The following SESTD1 variants were observed in gnomAD, a reference collection of about 807,000 sequenced individuals.
SESTD1 encodes the protein SEC14 and spectrin domain containing 1.
Under a neutral mutation model 101.7 loss-of-function variants are expected in SESTD1, and 43 were observed. That is an observed-to-expected ratio of 0.42 (90% CI 0.33 to 0.55). SESTD1 has a LOEUF of 0.55. Ranked by LOEUF, SESTD1 falls within the 20% of genes least tolerant of loss-of-function variation. The pLI is 0.07. For missense variants in SESTD1, 647 were observed against 815.1 expected (o/e 0.79, Z 2.51); for synonymous variants, 283 against 286.8 (o/e 0.99, Z 0.13).
At chr2:179,261,742 A>G (rs1334980673) in intron 1 of SESTD1, among the ~76,000 whole-genome samples, 2 of 152,032 alleles carry the variant, frequency 1.3e-5, no homozygotes. Flanking sequence ...TAGAAGGGTT[A>G]CCCTAGAAAA....
chr2:179,121,779 C>G lies in SESTD1; in HGVS notation c.1433G>C (p.Arg478Thr), dbSNP rs777642307. The G allele has an allele frequency of 6.4e-7, 1 of 1,566,012 alleles. No homozygotes were observed. The highest frequency in any genetic ancestry group is 8.6e-7 in the Non-Finnish European group (1 of 1,161,776). The change falls in exon 13 of 18, where the codon AGA becomes ACA. Residue 478 changes from arginine (R) to threonine (T), a missense_variant. By Grantham distance (71) the Arg-to-Thr change is moderately conservative (BLOSUM62 -1). Transcript: ENST00000428443. ...AACGGTCAAACTTTGCCTTTGTTTT[C>G]TAAGCTGCATATCTTCCATCACTCC... ...IQGVMEDMQL[R>T]KQRCEDMVDV...
chr2:179,138,491 C>CA (rs1223709025), intron 9 of SESTD1, among the ~76,000 whole-genome samples: 1 of 152,050 alleles, frequency 6.6e-6, no homozygotes, highest in South Asian at 2.1e-4. Flanking sequence ...TTGTCCGAAT[C>CA]AAAATGGAGT....
intron 1 of SESTD1, among the ~76,000 whole-genome samples, chr2:179,199,743 C>G (rs1483667434): frequency 6.6e-6 from 1 of 152,136 alleles, no homozygotes; most frequent in Admixed American, 6.5e-5. Flanking sequence ...AGGCCTTTGA[C>G]AAAATTCAAC....
chr2:179,193,045 C>T (rs2046340555), intron 1 of SESTD1, among the ~76,000 whole-genome samples: 1 of 152,146 alleles, frequency 6.6e-6, no homozygotes, highest in South Asian at 2.1e-4. Context: ...ACCTATCCCA[C>T]CTAAGGCTGT....
intron 3 of SESTD1, among the ~76,000 whole-genome samples, chr2:179,180,709 G>T (rs1304409480): frequency 1.3e-5 from 2 of 152,098 alleles, no homozygotes; most frequent in Non-Finnish European, 2.9e-5. Flanking sequence ...AAAATGTTGG[G>T]GGGTTACGTT....
intron 9 of SESTD1, among the ~76,000 whole-genome samples, chr2:179,133,001 CTA>C (rs1404053144): frequency 6.6e-6 from 1 of 152,110 alleles, no homozygotes; most frequent in African/African-American, 2.4e-5. Context: ...AAATTAAAAA[CTA>C]ATTAGAATTA....
chr2:179,216,215 C>T (rs1435114413), intron 1 of SESTD1, among the ~76,000 whole-genome samples: 1 of 135,098 alleles, frequency 7.4e-6, no homozygotes, highest in Non-Finnish European at 1.6e-5. Context: ...CTGCAGATGA[C>T]ATGATTGTGT....
chr2:179,115,371 T>G (rs1454800439), intron 15 of SESTD1, 115 bp from the exon 16 acceptor site: 1 of 698,018 alleles, frequency 1.4e-6, no homozygotes, highest in African/African-American at 1.8e-5. Flanking sequence ...AAATCAATAC[T>G]GAATAAATCT....
intron 13 of SESTD1, among the ~76,000 whole-genome samples, chr2:179,121,255 G>C (rs2044744443): frequency 6.6e-6 from 1 of 152,096 alleles, no homozygotes; most frequent in South Asian, 2.1e-4. Context: ...AGTTGCTATT[G>C]CAAACTGAGT....
chr2:179,143,454 A>G, intron 9 of SESTD1, 138 bp downstream of exon 9: 1 of 638,700 alleles, frequency 1.6e-6, no homozygotes, highest in Non-Finnish European at 2.6e-6. Flanking sequence ...AAAACAATAC[A>G]TAATTTAAAA....
At chr2:179,243,518 C>G (rs1468695184) in intron 1 of SESTD1, among the ~76,000 whole-genome samples, 1 of 152,108 alleles carries the variant, frequency 6.6e-6, no homozygotes, top group African/African-American at 2.4e-5. Flanking sequence ...AGGCACCCAT[C>G]AATGGTGGAC....
At chr2:179,111,433 C>T (rs2044503750) in intron 17 of SESTD1, among the ~76,000 whole-genome samples, 1 of 152,030 alleles carries the variant, frequency 6.6e-6, no homozygotes, top group South Asian at 2.1e-4. Context: ...ACCCCCATAA[C>T]CTGAGGAAGG....
At chr2:179,125,516 G>A (rs1008267315) in intron 10 of SESTD1, among the ~76,000 whole-genome samples, 1 of 152,108 alleles carries the variant, frequency 6.6e-6, no homozygotes, top group East Asian at 1.9e-4. Context: ...GGTGGATAGC[G>A]CTCTCTCTCT....
intron 3 of SESTD1, among the ~76,000 whole-genome samples, chr2:179,177,812 T>C (rs535345582): frequency 2.6e-5 from 4 of 152,068 alleles, no homozygotes; most frequent in Non-Finnish European, 4.4e-5. Flanking sequence ...CACCAACTAA[T>C]GAAGAGGAAA....
intron 1 of SESTD1, among the ~76,000 whole-genome samples, chr2:179,194,190 C>T (rs2105499465): frequency 6.6e-6 from 1 of 152,308 alleles, no homozygotes; most frequent in Middle Eastern, 3.4e-3. Flanking sequence ...CCCTCTCTCT[C>T]ACCTTCCCCT....
chr2:179,264,382 G>A (rs1229534340), intron 1 of SESTD1, 117 bp downstream of exon 1: 1 of 151,408 alleles, frequency 6.6e-6, no homozygotes, highest in Non-Finnish European at 1.5e-5. Context: ...GCCCGCGCAG[G>A]GGAAGAAAGC....
At chr2:179,235,447 A>C (rs2047052040) in intron 1 of SESTD1, among the ~76,000 whole-genome samples, 1 of 152,226 alleles carries the variant, frequency 6.6e-6, no homozygotes, top group Non-Finnish European at 1.5e-5. Flanking sequence ...AAATAAAATA[A>C]ATTTAGGTAA....
chr2:179,227,166 C>T (rs1270391812), intron 1 of SESTD1, among the ~76,000 whole-genome samples: 1 of 151,304 alleles, frequency 6.6e-6, no homozygotes, highest in Non-Finnish European at 1.5e-5. Flanking sequence ...ACTTTTACAG[C>T]CTAAGTGAGT....
chr2:179,152,573 A>T (rs184187089), intron 5 of SESTD1, among the ~76,000 whole-genome samples: 2 of 152,172 alleles, frequency 1.3e-5, no homozygotes, highest in African/African-American at 4.8e-5. Context: ...TTAGAAACAG[A>T]CACAATATGT....
Sources: gnomAD v4.1 joint callset for allele counts (sites outside exome capture counted in the v4.1 genomes callset) on GRCh38, gnomAD v4.1.1 for gene constraint, MANE v1.5 for transcripts, NCBI Gene and HGNC (gene_info 2026-07-23, HGNC 2026-07-21) for gene names.